Variants in PCDH11X observed in about 807,000 individuals in gnomAD.
PCDH11X encodes the protein protocadherin-11 X-linked.
A neutral mutation model predicts 53.3 loss-of-function variants in PCDH11X; 18 were observed. The observed-to-expected ratio is 0.34, with a 90% CI of 0.23 to 0.50. The LOEUF is 0.50. Among genes scored for constraint, PCDH11X ranks in the 20% least tolerant of loss-of-function variants. PCDH11X has a pLI of 0.98. For synonymous variants in PCDH11X, 279 were observed against 393.3 expected (o/e 0.71, Z 3.44); for missense variants, 570 against 1,032.4 (o/e 0.55, Z 6.14).
intron 6 of PCDH11X, among the ~76,000 whole-genome samples, chrX:91,938,836 C>A (rs1306520102): frequency 9.0e-6 from 1 of 110,565 alleles, no homozygotes; most frequent in South Asian, 3.8e-4. Flanking sequence ...CATCTACTAA[C>A]AAATAACAAA....
At chrX:92,294,065 G>A (rs188919732) in intron 8 of PCDH11X, among the ~76,000 whole-genome samples, 2 of 110,931 alleles carry the variant, frequency 1.8e-5, no homozygotes, top group East Asian at 5.7e-4. Flanking sequence ...TACTAAATTT[G>A]CAACATTTTT....
At chrX:92,314,149 G>T (rs1009851449) in intron 8 of PCDH11X, among the ~76,000 whole-genome samples, 7 of 112,190 alleles carry the variant, frequency 6.2e-5, no homozygotes, top group Non-Finnish European at 1.3e-4. Flanking sequence ...AAAACACAAA[G>T]ATATCGTACA....
At chrX:92,406,801 C>A (rs1452541853) in intron 9 of PCDH11X, among the ~76,000 whole-genome samples, 1 of 107,187 alleles carries the variant, frequency 9.3e-6, no homozygotes, top group Non-Finnish European at 1.9e-5. Flanking sequence ...GCAGTGGGCA[C>A]CTGTAATCCC....
chrX:91,968,539 T>A lies in PCDH11X; in HGVS notation c.3033+89266T>A, dbSNP rs1305368479. Among the ~76,000 whole-genome samples, 4 of 111,519 alleles carry A rather than the reference T, an allele frequency of 3.6e-5. No homozygotes were observed. In the East Asian group the frequency reaches 8.5e-4, roughly 24 times the overall value. ...CTCTTTGGACAGCAAAAGTGATTTATTTATTTTTCTTTCAAATATCCCCTC... is the reference window on the plus strand; with the variant it reads ...CTCTTTGGACAGCAAAAGTGATTTAATTATTTTTCTTTCAAATATCCCCTC... On this transcript the variant is annotated intron_variant, in intron 6 of 10. Coordinates refer to ENST00000682573, the MANE Select transcript of PCDH11X (RefSeq NM_032968.5).
chrX:92,403,339 G>GTTTTTTTTTTTTTTTT (rs1191277649), intron 9 of PCDH11X, among the ~76,000 whole-genome samples: 116 of 49,353 alleles, frequency 2.4e-3, no homozygotes, highest in African/African-American at 5.6e-3. Flanking sequence ...GTTTTTTTTT[G>GTTTTTTTTTTTTTTTT]TTTTTTTTTT....
intron 10 of PCDH11X, among the ~76,000 whole-genome samples, chrX:92,510,999 G>T (rs1361456085): frequency 3.6e-5 from 4 of 111,163 alleles, no homozygotes; most frequent in Non-Finnish European, 7.6e-5. Flanking sequence ...CGCTGAGTGT[G>T]GTTGGTGGTG....
chrX:92,194,667 A>AT (rs760211496), intron 6 of PCDH11X, among the ~76,000 whole-genome samples: 1 of 97,154 alleles, frequency 1.0e-5, no homozygotes, highest in Non-Finnish European at 2.1e-5. Context: ...AATAAATATT[A>AT]TGTTTTTTTT....
chrX:91,939,554 A>C (rs1233666855), intron 6 of PCDH11X, among the ~76,000 whole-genome samples: 3 of 109,516 alleles, frequency 2.7e-5, no homozygotes, highest in East Asian at 5.8e-4. Context: ...AGCTCATAAT[A>C]ATCAAATTGC....
intron 9 of PCDH11X, among the ~76,000 whole-genome samples, chrX:92,390,851 A>C (rs1211531243): frequency 4.0e-5 from 4 of 99,622 alleles, no homozygotes; most frequent in Non-Finnish European, 6.1e-5. Context: ...TGCTTTAAAA[A>C]TATAGTTCCC....
intron 9 of PCDH11X, among the ~76,000 whole-genome samples, chrX:92,451,889 G>A (rs950731981): frequency 9.1e-6 from 1 of 109,925 alleles, no homozygotes; most frequent in Non-Finnish European, 1.9e-5. Flanking sequence ...GTAGGAAACA[G>A]GAGGGTGACT....
chrX:92,580,561 G>A (rs770379983), intron 10 of PCDH11X, among the ~76,000 whole-genome samples: 8 of 110,293 alleles, frequency 7.3e-5, no homozygotes, highest in East Asian at 5.7e-4. Flanking sequence ...AATTTCTTCC[G>A]GTCCAAGCAG....
At chrX:92,201,554 C>A in intron 7 of PCDH11X, 99 bp downstream of exon 7, 1 of 461,238 alleles carries the variant, frequency 2.2e-6, no homozygotes, top group Non-Finnish European at 3.5e-6. Context: ...AATGTGTATT[C>A]CCTTACATTT....
intron 1 of PCDH11X, among the ~76,000 whole-genome samples, chrX:91,792,459 T>A (rs1935586987): frequency 9.1e-6 from 1 of 110,200 alleles, no homozygotes; most frequent in African/African-American, 3.3e-5. Context: ...CTGGATGAAA[T>A]TTTAATCATA....
chrX:91,811,678 A>G (rs1936297672), intron 4 of PCDH11X, among the ~76,000 whole-genome samples: 1 of 107,694 alleles, frequency 9.3e-6, no homozygotes, highest in African/African-American at 3.4e-5. Context: ...AGATGTCTTT[A>G]GGACCATGAG....
intron 10 of PCDH11X, among the ~76,000 whole-genome samples, chrX:92,499,023 G>A (rs1324355306): frequency 1.3e-5 from 1 of 74,730 alleles, no homozygotes; most frequent in African/African-American, 4.3e-5. Flanking sequence ...TTATTTAAAA[G>A]TGTCCTAAAA....
intron 8 of PCDH11X, among the ~76,000 whole-genome samples, chrX:92,357,187 A>G (rs2070231899): frequency 9.0e-6 from 1 of 111,011 alleles, no homozygotes; most frequent in African/African-American, 3.3e-5. Flanking sequence ...AATGTAAGTC[A>G]TTAATTTAAA....
intron 8 of PCDH11X, among the ~76,000 whole-genome samples, chrX:92,283,239 T>C (rs1011222123): frequency 9.9e-5 from 11 of 111,622 alleles, no homozygotes; most frequent in Non-Finnish European, 1.7e-4. Context: ...AGTTATGCTG[T>C]AATGGGTTGT....
At chrX:92,218,536 G>C (rs1352393018) in intron 7 of PCDH11X, among the ~76,000 whole-genome samples, 1 of 110,564 alleles carries the variant, frequency 9.0e-6, no homozygotes, top group Non-Finnish European at 1.9e-5. Context: ...AACAGGCTCT[G>C]AAATTGTGGC....
chrX:92,070,448 A>C (rs1364311905), intron 6 of PCDH11X, among the ~76,000 whole-genome samples: 2 of 112,073 alleles, frequency 1.8e-5, no homozygotes, highest in Non-Finnish European at 3.8e-5. Context: ...ATTCTGGAAT[A>C]AAAATTTTAT....
Sources: allele counts gnomAD v4.1 joint callset (sites outside exome capture counted in the v4.1 genomes callset), GRCh38; gene constraint gnomAD v4.1.1; transcripts MANE v1.5; gene names NCBI Gene and HGNC (gene_info 2026-07-23, HGNC 2026-07-21).